LRMDA: variants seen among roughly 807,000 people sequenced by gnomAD.
LRMDA encodes the protein leucine-rich melanocyte differentiation-associated protein.
Under a neutral mutation model 29.8 loss-of-function variants are expected in LRMDA, and 18 were observed. That is an observed-to-expected ratio of 0.60 (90% CI 0.42 to 0.90). The LOEUF (loss-of-function observed/expected upper bound fraction) is 0.90. LRMDA is among the 40% of genes least tolerant of loss of function. LRMDA has a pLI of 0.00. For synonymous variants in LRMDA, 125 were observed against 109.4 expected, an observed-to-expected ratio of 1.14 and a Z score of -0.89; for missense variants, 273 against 273.9, an observed-to-expected ratio of 1.00 and a Z score of 0.02.
chr10:75,834,975 A>C (rs1186291089), intron 2 of LRMDA, among the ~76,000 whole-genome samples: 1 of 152,158 alleles, frequency 6.6e-6, no homozygotes, highest in Non-Finnish European at 1.5e-5. Flanking sequence ...TCCAACTTCT[A>C]CTTATTATCA....
At chr10:75,923,330 A>G (rs987797747) in intron 2 of LRMDA, among the ~76,000 whole-genome samples, 2 of 152,222 alleles carry the variant, frequency 1.3e-5, no homozygotes, top group African/African-American at 2.4e-5. Context: ...AATGAAGTCA[A>G]TGGTTCAGTT....
chr10:75,900,033 T>C (rs1364677027), intron 2 of LRMDA, among the ~76,000 whole-genome samples: 1 of 152,210 alleles, frequency 6.6e-6, no homozygotes, highest in Non-Finnish European at 1.5e-5. Flanking sequence ...GCTCTTCCTT[T>C]GAGAAAACAA....
chr10:76,430,506 A>G (rs1289650358), intron 6 of LRMDA, among the ~76,000 whole-genome samples: 1 of 152,162 alleles, frequency 6.6e-6, no homozygotes, highest in Admixed American at 6.5e-5. Context: ...GATTTATGGT[A>G]CAAAATTAGC....
intron 2 of LRMDA, among the ~76,000 whole-genome samples, chr10:75,568,231 T>C (rs1840397588): frequency 6.6e-6 from 1 of 152,206 alleles, no homozygotes; most frequent in African/African-American, 2.4e-5. Flanking sequence ...ATAGTTTCTC[T>C]GAAGACATTT....
intron 2 of LRMDA, among the ~76,000 whole-genome samples, chr10:75,731,172 C>T (rs1842692442): frequency 6.6e-6 from 1 of 152,142 alleles, no homozygotes; most frequent in African/African-American, 2.4e-5. Flanking sequence ...TTGGATTAAG[C>T]CTATTGGATT....
chr10:76,526,797 T>A (rs563588462), intron 6 of LRMDA, among the ~76,000 whole-genome samples: 1 of 127,040 alleles, frequency 7.9e-6, no homozygotes, highest in East Asian at 2.4e-4. Context: ...ATATGCGGTG[T>A]TTGAAGGGGA....
intron 2 of LRMDA, among the ~76,000 whole-genome samples, chr10:75,698,874 A>G (rs1162492556): frequency 2.0e-5 from 3 of 152,230 alleles, no homozygotes; most frequent in East Asian, 1.9e-4. Flanking sequence ...TGTTGTTACA[A>G]ATATGAGTTC....
chr10:75,908,399 AT>A (rs1343541686), intron 2 of LRMDA, among the ~76,000 whole-genome samples: 1 of 152,210 alleles, frequency 6.6e-6, no homozygotes, highest in Non-Finnish European at 1.5e-5. Context: ...GCTTCTACTC[AT>A]TTGTATAGTA....
At chr10:75,947,168 A>T (rs1286504967) in intron 2 of LRMDA, among the ~76,000 whole-genome samples, 3 of 152,132 alleles carry the variant, frequency 2.0e-5, no homozygotes, top group South Asian at 2.1e-4. Context: ...CTTGCCCTTA[A>T]TCCTAGTGTG....
intron 2 of LRMDA, among the ~76,000 whole-genome samples, chr10:75,466,384 A>T (rs768896197): frequency 1.3e-5 from 2 of 151,152 alleles, no homozygotes; most frequent in Non-Finnish European, 2.9e-5. Flanking sequence ...TTCCAGGGGG[A>T]TGGGGTGGGT....
chr10:76,495,517 G>T (rs1321249556), intron 6 of LRMDA, among the ~76,000 whole-genome samples: 1 of 151,504 alleles, frequency 6.6e-6, no homozygotes, highest in African/African-American at 2.4e-5. Context: ...TGTCTATAAA[G>T]AATCTTATTG....
intron 6 of LRMDA, among the ~76,000 whole-genome samples, chr10:76,472,861 G>A (rs1166419102): frequency 6.6e-6 from 1 of 151,292 alleles, no homozygotes; most frequent in Admixed American, 6.6e-5. Context: ...AATTGATTGA[G>A]TTTGTAAACA....
intron 2 of LRMDA, among the ~76,000 whole-genome samples, chr10:75,721,654 T>C (rs769808352): frequency 6.6e-6 from 1 of 152,200 alleles, no homozygotes; most frequent in South Asian, 2.1e-4. Flanking sequence ...CCCAGCTCCA[T>C]TCCATTATGC....
Position 76,058,678 on chromosome 10 carries a change from G to A in LRMDA, c.411G>A (p.Leu137=), listed in dbSNP as rs749035773. 3 of 1,613,702 alleles carry A rather than the reference G, an allele frequency of 1.9e-6. No homozygotes were observed. In the South Asian group the frequency reaches 3.3e-5, roughly 18 times the overall value. Residue 137 remains leucine (L), a synonymous_variant, in exon 5 of 7, where the codon CTG becomes CTA. Transcript: ENST00000611255. ...EDYKRYRCFV[L]YKLPNLKFLD... Reference sequence around the variant, plus strand: ...TCTTATCTTCCAGATGCTTTGTTCTGTACAAGCTGCCCAACTTGAAATTTC... The same window carrying A: ...TCTTATCTTCCAGATGCTTTGTTCTATACAAGCTGCCCAACTTGAAATTTC...
chr10:75,589,767 TATATA>T (rs1165247837), intron 2 of LRMDA, among the ~76,000 whole-genome samples: 1 of 66,350 alleles, frequency 1.5e-5, no homozygotes, highest in Non-Finnish European at 4.4e-5. Flanking sequence ...CTAAAAAAAA[TATATA>T]TATATAGAGA....
intron 5 of LRMDA, among the ~76,000 whole-genome samples, chr10:76,144,576 C>T (rs1850273532): frequency 6.6e-6 from 1 of 152,176 alleles, no homozygotes; most frequent in Non-Finnish European, 1.5e-5. Context: ...TGTTTATCAG[C>T]TTGAGGAGAT....
intron 2 of LRMDA, among the ~76,000 whole-genome samples, chr10:75,648,053 T>C (rs1841548779): frequency 6.6e-6 from 1 of 152,210 alleles, no homozygotes; most frequent in Non-Finnish European, 1.5e-5. Flanking sequence ...GCTCAGCTAG[T>C]ATGGCTTAGG....
At chr10:76,260,555 T>G (rs1839922753) in intron 5 of LRMDA, among the ~76,000 whole-genome samples, 1 of 152,196 alleles carries the variant, frequency 6.6e-6, no homozygotes, top group African/African-American at 2.4e-5. Flanking sequence ...AACCCATTAT[T>G]AATGTAATGA....
intron 2 of LRMDA, among the ~76,000 whole-genome samples, chr10:75,877,933 A>T (rs1197878360): frequency 6.6e-6 from 1 of 152,170 alleles, no homozygotes; most frequent in Non-Finnish European, 1.5e-5. Flanking sequence ...GAGTTCCCTT[A>T]TCCCCCTCAC....
Sources: gnomAD v4.1 joint callset for allele counts (sites outside exome capture counted in the v4.1 genomes callset) on GRCh38, gnomAD v4.1.1 for gene constraint, MANE v1.5 for transcripts, NCBI Gene and HGNC (gene_info 2026-07-23, HGNC 2026-07-21) for gene names.